ACO2: variants seen among roughly 807,000 people sequenced by gnomAD.
The protein encoded by ACO2 is aconitase 2.
In ACO2, 31 loss-of-function variants were observed where a neutral mutation model predicts 84.5. The observed-to-expected ratio is 0.37, with a 90% CI of 0.28 to 0.50. The LOEUF (loss-of-function observed/expected upper bound fraction) is 0.50. Among genes scored for constraint, ACO2 ranks in the 20% least tolerant of loss-of-function variants. The pLI, the probability that ACO2 is intolerant of heterozygous loss-of-function variation, is 0.97. For synonymous variants in ACO2, 414 were observed against 412.7 expected, an observed-to-expected ratio of 1.00 and a Z score of -0.04; for missense variants, 685 against 1,029.3, an observed-to-expected ratio of 0.67 and a Z score of 4.58.
At chr22:41,510,427 C>T (rs2066425357) in intron 3 of ACO2, among the ~76,000 whole-genome samples, 1 of 152,226 alleles carries the variant, frequency 6.6e-6, no homozygotes, top group Admixed American at 6.5e-5. Flanking sequence ...AGAGACTGCT[C>T]TGGAAACCCA....
chr22:41,481,246 C>T (rs907810267), intron 1 of ACO2, among the ~76,000 whole-genome samples: 2 of 152,168 alleles, frequency 1.3e-5, no homozygotes, highest in African/African-American at 4.8e-5. Context: ...AGAGTGGATG[C>T]CATTTCTGTG....
At position 41,524,963 on chromosome 22, in the gene ACO2, A is replaced by G. The variant is rs1315426118; in HGVS notation, c.1600A>G (p.Lys534Glu). The change falls in exon 13 of 18, where the codon AAA becomes GAA. Residue 534 changes from lysine (K) to glutamate (E), a missense_variant. By Grantham distance (56) the Lys-to-Glu change is moderately conservative (BLOSUM62 1). This residue lies in a region of ACO2 where 311 missense variants were observed against 441.6 expected (regional missense o/e 0.70). Transcript: ENST00000216254. ...GGCTCCGGATGCAGATGAGCTTCCCAAAGGGGTGAGCGCCCACGCCCCCTG... is the reference window on the plus strand; with the variant it reads ...GGCTCCGGATGCAGATGAGCTTCCCGAAGGGGTGAGCGCCCACGCCCCCTG... Reference protein sequence around the residue: ...LEAPDADELPKGEFDPGQDTY... With the variant: ...LEAPDADELPEGEFDPGQDTY... 6.2e-7 allele frequency: 1 copy of G among 1,614,060 alleles called. No homozygotes were observed. Among genetic ancestry groups the G allele is most frequent in the Non-Finnish European group, 8.5e-7 (1 of 1,180,046 alleles).
At chr22:41,509,006 G>A (rs914862643) in intron 3 of ACO2, among the ~76,000 whole-genome samples, 8 of 152,184 alleles carry the variant, frequency 5.3e-5, no homozygotes, top group African/African-American at 1.7e-4. Flanking sequence ...CCCCCTGGTG[G>A]TATCCTGGCT....
chr22:41,527,567 C>T (rs1016076945), intron 16 of ACO2, 147 bp downstream of exon 16: 10 of 1,118,478 alleles, frequency 8.9e-6, no homozygotes, highest in Non-Finnish European at 1.1e-5. Flanking sequence ...TTCTTAGGCT[C>T]ACACAGTGCA....
chr22:41,499,919 C>G, intron 2 of ACO2, 57 bp downstream of exon 2: 1 of 1,592,980 alleles, frequency 6.3e-7, no homozygotes, highest in Non-Finnish European at 8.6e-7. Context: ...GCTGCCTGCC[C>G]GTCAGGCAGA....
At chr22:41,522,109 AT>A (rs1264934862) in intron 9 of ACO2, among the ~76,000 whole-genome samples, 2 of 152,218 alleles carry the variant, frequency 1.3e-5, no homozygotes, top group African/African-American at 4.8e-5. Flanking sequence ...CAGGAGGATC[AT>A]TTGATCCCAG....
Position 41,515,368 on chromosome 22 carries a change from A to AT in ACO2, c.526-4dup. The AT allele has an allele frequency of 6.2e-7, 1 of 1,611,894 alleles. No individual in the cohort carries two copies. Among genetic ancestry groups the AT allele is most frequent in the Non-Finnish European group, 8.5e-7 (1 of 1,179,804 alleles). On this transcript the variant is annotated splice_polypyrimidine_tract_variant and intron_variant, in intron 4 of 17. Transcript: ENST00000216254. The surrounding 1 kb of genome is among the most constrained non-coding windows in gnomAD (Gnocchi z 5.8). ...GCTTCTAAATATAACATCTTGGATT[A>AT]TTTTTCAGATTATTCTGGAAAACTA... is the stretch of plus-strand genomic sequence containing the variant.
chr22:41,528,381 T>C, intron 17 of ACO2, 98 bp from the exon 18 acceptor site: 1 of 1,515,212 alleles, frequency 6.6e-7, no homozygotes, highest in Non-Finnish European at 8.9e-7. Context: ...TGCTGACCTC[T>C]TAGGTCCCCA....
intron 1 of ACO2, chr22:41,469,465 G>A (rs1051759124): frequency 6.8e-6 from 3 of 442,818 alleles, no homozygotes; most frequent in Non-Finnish European, 1.2e-5. Flanking sequence ...TCTTTTTGAG[G>A]ACAGCATTGC....
intron 4 of ACO2, among the ~76,000 whole-genome samples, chr22:41,513,606 CATT>C (rs2066453439): frequency 1.6e-5 from 1 of 61,014 alleles, no homozygotes; most frequent in South Asian, 5.9e-4. Context: ...GATCTCTTCA[CATT>C]ATGTTCCAGC....
At position 41,528,027 on chromosome 22, in the gene ACO2, G is replaced by T. The variant is rs757026291; in HGVS notation, c.2208+5G>T. The T allele has an allele frequency of 1.9e-6, 3 of 1,614,016 alleles. No homozygotes were observed. In the African/African-American group the frequency reaches 4.0e-5, roughly 22 times the overall value. On this transcript the variant is annotated splice_donor_5th_base_variant and intron_variant, in intron 17 of 17. Coordinates refer to ENST00000216254, the MANE Select transcript of ACO2 (RefSeq NM_001098.3). ...AAGGACTTCACCCCTGGCAAGGTTAGGGGCCCGGGTCCCCCTGAGGTGGTG... is the reference window on the plus strand; with the variant it reads ...AAGGACTTCACCCCTGGCAAGGTTATGGGCCCGGGTCCCCCTGAGGTGGTG...
At position 41,523,923 on chromosome 22, in the gene ACO2, C is replaced by T; in HGVS notation, c.1464C>T (p.Ala488=). ...ACGACGCAAACCCCGAGACCCATGC[C>T]TTTGTCACGTCCCCAGAGGTGAGAC... ...GRNDANPETH[A]FVTSPEIVTA... The change falls in exon 12 of 18, where the codon GCC becomes GCT. Residue 488 remains alanine (A), a synonymous_variant. Coordinates refer to ENST00000216254, the MANE Select transcript of ACO2 (RefSeq NM_001098.3). The T allele has an allele frequency of 6.2e-7, 1 of 1,613,168 alleles. No homozygotes were observed. Among genetic ancestry groups the T allele is most frequent in the East Asian group, 2.2e-5 (1 of 44,868 alleles).
intron 1 of ACO2, among the ~76,000 whole-genome samples, chr22:41,495,350 G>C (rs2066305220): frequency 6.6e-6 from 1 of 152,014 alleles, no homozygotes; most frequent in Non-Finnish European, 1.5e-5. Context: ...TCCTTGACAG[G>C]TCTTGCTATG....
At position 41,475,754 on chromosome 22, in the gene ACO2, C is replaced by T. The variant is rs192175831; in HGVS notation, c.36+6572C>T. Reference sequence around the variant, plus strand: ...CTAAAAATACAAAAAAAAAATTAGCCAGTCGTGGTGGCGCATGCCTGTGAT... The same window carrying T: ...CTAAAAATACAAAAAAAAAATTAGCTAGTCGTGGTGGCGCATGCCTGTGAT... On this transcript the variant is annotated intron_variant, in intron 1 of 17. Transcript: ENST00000216254. Among the ~76,000 whole-genome samples, 4 of 151,908 alleles carry T rather than the reference C, an allele frequency of 2.6e-5. No individual in the cohort carries two copies. The East Asian group carries it at 7.8e-4, about 30-fold the overall frequency.
intron 1 of ACO2, among the ~76,000 whole-genome samples, chr22:41,477,513 G>C (rs2038032867): frequency 6.6e-6 from 1 of 152,022 alleles, no homozygotes; most frequent in South Asian, 2.1e-4. Flanking sequence ...CAGCTTTGGA[G>C]CCAGGCCTGG....
In ACO2 at chr22:41,527,270, C is replaced by A; in HGVS notation, c.1954-18C>A. 3 of 1,614,130 alleles carry A rather than the reference C, an allele frequency of 1.9e-6. No individual in the cohort carries two copies. The highest frequency in any genetic ancestry group is 1.7e-5 in the Admixed American group (1 of 60,030). On this transcript the variant is annotated intron_variant, in intron 15 of 17. Coordinates refer to ENST00000216254, the MANE Select transcript of ACO2 (RefSeq NM_001098.3). The stretch of plus-strand genomic sequence containing the variant: ...TGCCCTCCTCTGCCTTATAACCTTA[C>A]CCCCGCTTGCCTGACAGAAACATGG...
chr22:41,502,937 T>G (rs970332077), intron 2 of ACO2, among the ~76,000 whole-genome samples: 3 of 151,984 alleles, frequency 2.0e-5, no homozygotes, highest in African/African-American at 7.3e-5. Context: ...TAAAAAAATT[T>G]TAAAGATGGG....
chr22:41,527,880 C>G (rs772585907), intron 16 of ACO2, 21 bp from the exon 17 acceptor site: 11 of 1,614,106 alleles, frequency 6.8e-6, no homozygotes, highest in Admixed American at 1.7e-5. Flanking sequence ...CCCCGATGAC[C>G]GAATGCCGCC....
intron 1 of ACO2, among the ~76,000 whole-genome samples, chr22:41,479,158 G>A (rs191509602): frequency 1.3e-5 from 2 of 152,156 alleles, no homozygotes; most frequent in Admixed American, 1.3e-4. Flanking sequence ...GTAGGTGGGG[G>A]AATTTGCTGG....
Sources: gnomAD v4.1 joint callset for allele counts (sites outside exome capture counted in the v4.1 genomes callset) on GRCh38, gnomAD v4.1.1 for gene constraint, gnomAD v4.1.1 regional missense constraint, Gnocchi (gnomAD v3.1) non-coding constraint, MANE v1.5 for transcripts, NCBI Gene and HGNC (gene_info 2026-07-23, HGNC 2026-07-21) for gene names.